Variants in JAKMIP1 observed in about 807,000 individuals in gnomAD.
JAKMIP1 encodes janus kinase and microtubule interacting protein 1.
A neutral mutation model predicts 113.0 loss-of-function variants in JAKMIP1; 33 were observed. That is an observed-to-expected ratio of 0.29 (90% CI 0.22 to 0.39). The LOEUF is 0.39. Among genes scored for constraint, JAKMIP1 ranks in the 10% least tolerant of loss-of-function variants. JAKMIP1 has a pLI of 1.00. For synonymous variants in JAKMIP1, 480 were observed against 459.9 expected (o/e 1.04, Z -0.56); for missense variants, 813 against 1,080.5 (o/e 0.75, Z 3.47).
At chr4:6,174,704 G>A (rs1464253620) in intron 1 of JAKMIP1, among the ~76,000 whole-genome samples, 1 of 152,060 alleles carries the variant, frequency 6.6e-6, no homozygotes, top group Non-Finnish European at 1.5e-5. Context: ...GTTACCCCAG[G>A]CTCTCCTGAA....
chr4:6,182,602 C>T (rs1578492086), intron 1 of JAKMIP1, among the ~76,000 whole-genome samples: 1 of 152,162 alleles, frequency 6.6e-6, no homozygotes, highest in South Asian at 2.1e-4. Context: ...CTTCCAGCCT[C>T]CAGAACGGTG....
At chr4:6,198,978 C>T (rs1297948568) in intron 1 of JAKMIP1, among the ~76,000 whole-genome samples, 1 of 152,232 alleles carries the variant, frequency 6.6e-6, no homozygotes, top group Non-Finnish European at 1.5e-5. Flanking sequence ...CTGCCCTCCT[C>T]CCCACCTCCT....
In JAKMIP1 at chr4:6,084,089, G is replaced by A. The variant is rs190168652; in HGVS notation, c.954+757C>T. Reference sequence around the variant, plus strand: ...TCCCAGCACTTTGGGAGGCTGAGGCGGGCAGATCACCTGAGGTCAGGAGTT... The same window carrying A: ...TCCCAGCACTTTGGGAGGCTGAGGCAGGCAGATCACCTGAGGTCAGGAGTT... On this transcript the variant is annotated intron_variant, in intron 5 of 20. Coordinates refer to ENST00000409021, the MANE Select transcript of JAKMIP1 (RefSeq NM_001099433.2). 6.2e-3 allele frequency among the ~76,000 whole-genome samples: 946 copies of A among 152,010 alleles called. 7 individuals carry two copies. Among genetic ancestry groups the A allele is most frequent in the African/African-American group, 0.02 (829 of 41,452 alleles).
intron 1 of JAKMIP1, among the ~76,000 whole-genome samples, chr4:6,166,764 C>T (rs1400163703): frequency 5.3e-5 from 8 of 152,198 alleles, no homozygotes; most frequent in East Asian, 3.9e-4. Flanking sequence ...AGGGGTGCTG[C>T]GCACTTTCGC....
intron 1 of JAKMIP1, among the ~76,000 whole-genome samples, chr4:6,119,018 A>G (rs1414855875): frequency 6.6e-6 from 1 of 152,200 alleles, no homozygotes; most frequent in Non-Finnish European, 1.5e-5. Flanking sequence ...AAGTCAGGGA[A>G]GAGACCGGAG....
Position 6,181,087 on chromosome 4 carries a change from C to A in JAKMIP1, c.-148+19166G>T, listed in dbSNP as rs148623921. Among the ~76,000 whole-genome samples, 2,232 of 152,120 alleles carry A rather than the reference C, an allele frequency of 0.015. 18 individuals carry two copies. The highest frequency in any genetic ancestry group is 0.024 in the African/African-American group (991 of 41,474). ...TAGTCAGTGACTTCCAAGCAAAGGGCAACTTCTTTTTGTGGTTTCTACATC... is the reference window on the plus strand; with the variant it reads ...TAGTCAGTGACTTCCAAGCAAAGGGAAACTTCTTTTTGTGGTTTCTACATC... On this transcript the variant is annotated intron_variant, in intron 1 of 20. Transcript: ENST00000409021. This position sits in a 1 kb window ranked among gnomAD's most constrained non-coding sequence, Gnocchi z 5.4.
chr4:6,192,644 G>C lies in JAKMIP1; in HGVS notation c.-148+7609C>G, dbSNP rs1442475433. Among the ~76,000 whole-genome samples the C allele has an allele frequency of 1.3e-5, 2 of 152,218 alleles. No homozygotes were observed. The highest frequency in any genetic ancestry group is 2.4e-5 in the African/African-American group (1 of 41,440). The stretch of plus-strand genomic sequence containing the variant: ...GTTCGGAAATTAAGTCAATAGCAGT[G>C]ATTACTTATTGCACACCTGCTCTGT... On this transcript the variant is annotated intron_variant, in intron 1 of 20. Transcript: ENST00000409021. This position sits in a 1 kb window ranked among gnomAD's most constrained non-coding sequence, Gnocchi z 5.0.
rs1720433523 is a variant in JAKMIP1 at position 6,080,983 on chromosome 4, T to TCACACACACACACACACACA, written c.1101+625_1101+626insTGTGTGTGTGTGTGTGTGTG. ...AGGAGAGGACTTCACACAACAGCAA[T>TCACACACACACACACACACA]TACACACACACACACACACACACAC... On this transcript the variant is annotated intron_variant, in intron 6 of 20. Transcript: ENST00000409021. The surrounding 1 kb of genome is among the most constrained non-coding windows in gnomAD (Gnocchi z 6.0). Among the ~76,000 whole-genome samples, 4 of 9,734 alleles carry TCACACACACACACACACACA rather than the reference T, an allele frequency of 4.1e-4. No individual in the cohort carries two copies. The South Asian group carries it at 0.015, about 36-fold the overall frequency. The allele number at this position is 9,734 out of a possible 152,430, so 6.4% of individuals were successfully genotyped here. A position where few individuals can be genotyped will look rare whatever the true frequency, so the allele number is the denominator to read the frequency against.
chr4:6,046,784 G>T (rs1240525730), intron 16 of JAKMIP1, among the ~76,000 whole-genome samples: 2 of 152,184 alleles, frequency 1.3e-5, no homozygotes, highest in Admixed American at 6.5e-5. Context: ...ACCTGCTGTG[G>T]GTCGGGCGTG....
chr4:6,059,434 C>T lies in JAKMIP1; in HGVS notation c.1644+990G>A, dbSNP rs555921036. 2.0e-5 allele frequency among the ~76,000 whole-genome samples: 3 copies of T among 152,280 alleles called. No homozygotes were observed. The highest frequency in any genetic ancestry group is 7.2e-5 in the African/African-American group (3 of 41,584). The stretch of plus-strand genomic sequence containing the variant: ...TACACCCCTTGCTTCACACCCGCCT[C>T]CTCCCACTGTATCCCACCAGGCCTA... On this transcript the variant is annotated intron_variant, in intron 11 of 20. Coordinates refer to ENST00000409021, the MANE Select transcript of JAKMIP1 (RefSeq NM_001099433.2). This position sits in a 1 kb window ranked among gnomAD's most constrained non-coding sequence, Gnocchi z 4.8.
Position 6,044,171 on chromosome 4 carries a change from C to T in JAKMIP1, c.2029-1944G>A, listed in dbSNP as rs1425278941. ...GTCAGTCATCTTGTGAATGCCGGGT[C>T]GTAGCACTCACCTGACAGCGCTGTT... On this transcript the variant is annotated intron_variant, in intron 16 of 20. Transcript: ENST00000409021. This position sits in a 1 kb window ranked among gnomAD's most constrained non-coding sequence, Gnocchi z 4.4. Among the ~76,000 whole-genome samples, 2 of 136,524 alleles carry T rather than the reference C, an allele frequency of 1.5e-5. No homozygotes were observed. Among genetic ancestry groups the T allele is most frequent in the Non-Finnish European group, 3.0e-5 (2 of 66,728 alleles). 89.6% of individuals were successfully genotyped at this position (136,524 alleles called of 152,430 possible).
Position 6,061,097 on chromosome 4 carries a change from CCAG to C in JAKMIP1, c.1561-593_1561-591del, listed in dbSNP as rs1379595059. On this transcript the variant is annotated intron_variant, in intron 10 of 20. Coordinates refer to ENST00000409021, the MANE Select transcript of JAKMIP1 (RefSeq NM_001099433.2). The surrounding 1 kb of genome is among the most constrained non-coding windows in gnomAD (Gnocchi z 5.3). ...TCCCATCTCAGGGAGACACTGCTAC[CCAG>C]CAGCAGCCACAAGAAATGGGACGCC... is the stretch of plus-strand genomic sequence containing the variant. Among the ~76,000 whole-genome samples the C allele has an allele frequency of 6.6e-6, 1 of 152,236 alleles. No homozygotes were observed. Among genetic ancestry groups the C allele is most frequent in the East Asian group, 1.9e-4 (1 of 5,202 alleles).
rs1726222873 is a variant in JAKMIP1 at position 6,183,046 on chromosome 4, G to T, written c.-148+17207C>A. On this transcript the variant is annotated intron_variant, in intron 1 of 20. Transcript: ENST00000409021. This position sits in a 1 kb window ranked among gnomAD's most constrained non-coding sequence, Gnocchi z 5.3. ...TGGTCCTGGAGGCTCCAGGTTCCCA[G>T]GTCCCATCTTAGTAATACAAGGACT... Among the ~76,000 whole-genome samples, 1 of 152,190 alleles carries T rather than the reference G, an allele frequency of 6.6e-6. No individual in the cohort carries two copies. Among genetic ancestry groups the T allele is most frequent in the Non-Finnish European group, 1.5e-5 (1 of 68,038 alleles).
rs879580200 is a variant in JAKMIP1, at chr4:6,168,733, A to C, written c.-148+31520T>G. On this transcript the variant is annotated intron_variant, in intron 1 of 20. Transcript: ENST00000409021. The surrounding 1 kb of genome is among the most constrained non-coding windows in gnomAD (Gnocchi z 4.6). ...TGGCAAATCCATGTCTCTACAAAAA[A>C]AAAACAAAACACAAAAATTAGCCAG... 6.6e-5 allele frequency among the ~76,000 whole-genome samples: 10 copies of C among 151,868 alleles called. No individual in the cohort carries two copies. Among genetic ancestry groups the C allele is most frequent in the Non-Finnish European group, 1.3e-4 (9 of 67,980 alleles).
rs1260730505 is a variant in JAKMIP1 at position 6,168,098 on chromosome 4, C to CACACCACCCAGG, written c.-148+32143_-148+32154dup. Among the ~76,000 whole-genome samples the CACACCACCCAGG allele has an allele frequency of 1.3e-5, 2 of 152,184 alleles. No homozygotes were observed. The highest frequency in any genetic ancestry group is 2.9e-5 in the Non-Finnish European group (2 of 68,046). On this transcript the variant is annotated intron_variant, in intron 1 of 20. Transcript: ENST00000409021. This position sits in a 1 kb window ranked among gnomAD's most constrained non-coding sequence, Gnocchi z 4.6. ...TCAAAACCGCAGTGAGACGGCACCA[C>CACACCACCCAGG]ACACCACCCAGGACGGCTGCAATCA...
At chr4:6,075,411 T>A (rs531393257) in intron 8 of JAKMIP1, among the ~76,000 whole-genome samples, 1 of 152,266 alleles carries the variant, frequency 6.6e-6, no homozygotes, top group African/African-American at 2.4e-5. Flanking sequence ...GATCCAAGTA[T>A]CAATTCAATC....
At chr4:6,043,151 G>A (rs1578070261) in intron 16 of JAKMIP1, among the ~76,000 whole-genome samples, 2 of 152,040 alleles carry the variant, frequency 1.3e-5, no homozygotes, top group South Asian at 2.1e-4. Flanking sequence ...TGCTAAGGCT[G>A]TCGGATGGCC....
chr4:6,090,752 G>A (rs965390868), intron 3 of JAKMIP1, among the ~76,000 whole-genome samples: 1 of 151,832 alleles, frequency 6.6e-6, no homozygotes, highest in African/African-American at 2.4e-5. Flanking sequence ...TTAAACTAGA[G>A]CATCGCTGCC....
chr4:6,172,268 T>A (rs1189918731), intron 1 of JAKMIP1, among the ~76,000 whole-genome samples: 1 of 152,152 alleles, frequency 6.6e-6, no homozygotes, highest in East Asian at 1.9e-4. Flanking sequence ...CAGCTTTACA[T>A]CCTGTTCAAC....
Sources: gnomAD v4.1 joint callset for allele counts (sites outside exome capture counted in the v4.1 genomes callset) on GRCh38, gnomAD v4.1.1 for gene constraint, Gnocchi (gnomAD v3.1) non-coding constraint, MANE v1.5 for transcripts, NCBI Gene and HGNC (gene_info 2026-07-23, HGNC 2026-07-21) for gene names.